Variants in NINL observed in about 807,000 individuals in gnomAD.
The protein encoded by NINL is ninein-like protein.
NINL carries 153 observed loss-of-function variants against 160.3 expected under a neutral mutation model. The observed-to-expected ratio is 0.95, with a 90% confidence interval of 0.84 to 1.09. The LOEUF (loss-of-function observed/expected upper bound fraction) is 1.09. Ranked by LOEUF, NINL falls within the 50% of genes least tolerant of loss-of-function variation. NINL has a pLI of 0.00. For synonymous variants in NINL, 800 were observed against 734.8 expected, an observed-to-expected ratio of 1.09 and a Z score of -1.43; for missense variants, 1,829 against 1,764.0, an observed-to-expected ratio of 1.04 and a Z score of -0.66.
At chr20:25,537,189 TCCTC>T (rs894857043) in intron 1 of NINL, among the ~76,000 whole-genome samples, 2 of 152,104 alleles carry the variant, frequency 1.3e-5, no homozygotes, top group African/African-American at 4.8e-5. Flanking sequence ...GCTCAAGTGA[TCCTC>T]CCACCTCAGC....
chr20:25,561,588 G>A (rs1461876572), intron 1 of NINL, among the ~76,000 whole-genome samples: 3 of 151,216 alleles, frequency 2.0e-5, no homozygotes, highest in Non-Finnish European at 2.9e-5. Flanking sequence ...AGGAAGTGAG[G>A]AGCACCTCTT....
intron 4 of NINL, 122 bp downstream of exon 4, chr20:25,512,712 G>C (rs1159620524): frequency 3.1e-6 from 4 of 1,272,208 alleles, no homozygotes. Flanking sequence ...GGCGACTCAG[G>C]GTGCCTGAGA....
chr20:25,504,207 C>G, intron 6 of NINL, 103 bp from the exon 7 acceptor site: 1 of 1,252,160 alleles, frequency 8.0e-7, no homozygotes, highest in Non-Finnish European at 1.1e-6. Context: ...AAGTACCCAA[C>G]AAGGGCCGTT....
intron 3 of NINL, among the ~76,000 whole-genome samples, chr20:25,515,076 C>T (rs1490357531): frequency 6.6e-6 from 1 of 152,194 alleles, no homozygotes; most frequent in East Asian, 1.9e-4. Flanking sequence ...CACTGTCCTC[C>T]AGACCCTAGA....
chr20:25,522,919 T>C (rs887393501), intron 2 of NINL, among the ~76,000 whole-genome samples: 1 of 152,238 alleles, frequency 6.6e-6, no homozygotes, highest in East Asian at 1.9e-4. Context: ...ATGTGTGATC[T>C]AGAGGTACTT....
chr20:25,481,865 GC>G (rs2146583312), intron 14 of NINL, 102 bp downstream of exon 14: 9 of 1,485,088 alleles, frequency 6.1e-6, no homozygotes, highest in Non-Finnish European at 8.2e-6. Flanking sequence ...TCAGGTCACA[GC>G]AACATCATCA....
At chr20:25,497,411 G>A (rs1225275194) in intron 9 of NINL, among the ~76,000 whole-genome samples, 1 of 152,232 alleles carries the variant, frequency 6.6e-6, no homozygotes, top group East Asian at 1.9e-4. Flanking sequence ...AAGGCCAGGG[G>A]AGGGACCTGG....
chr20:25,579,495 G>A (rs556089839), intron 1 of NINL, among the ~76,000 whole-genome samples: 2 of 152,182 alleles, frequency 1.3e-5, no homozygotes, highest in African/African-American at 2.4e-5. Flanking sequence ...CAGGTGACAC[G>A]CTACCTTATG....
chr20:25,501,973 A>T (rs138130717), intron 7 of NINL, among the ~76,000 whole-genome samples: 1 of 151,954 alleles, frequency 6.6e-6, no homozygotes, highest in Non-Finnish European at 1.5e-5. Flanking sequence ...TAGGTTTTTA[A>T]ATTAAATTAA....
chr20:25,504,725 G>T (rs1047963680), intron 6 of NINL, among the ~76,000 whole-genome samples, 163 bp downstream of exon 6: 1 of 152,258 alleles, frequency 6.6e-6, no homozygotes, highest in East Asian at 1.9e-4. Context: ...GGTGTCTGGA[G>T]ATTTTAGCCT....
chr20:25,553,172 A>C (rs1338850341), intron 1 of NINL, among the ~76,000 whole-genome samples: 1 of 126,894 alleles, frequency 7.9e-6, no homozygotes, highest in African/African-American at 3.0e-5. Flanking sequence ...AGGTGTGATC[A>C]CAGCTCAATG....
At chr20:25,547,348 G>A (rs2210052) in intron 1 of NINL, among the ~76,000 whole-genome samples, 33,977 of 151,952 alleles carry the variant, frequency 0.22, 4,813 homozygotes, top group Non-Finnish European at 0.31. Context: ...ATAATAAACC[G>A]GTAAACATTT....
intron 21 of NINL, among the ~76,000 whole-genome samples, chr20:25,460,526 C>G (rs751409038): frequency 6.6e-5 from 10 of 152,198 alleles, no homozygotes; most frequent in Non-Finnish European, 1.3e-4. Context: ...CCTTACTCCT[C>G]ACCTCAAAGG....
intron 8 of NINL, 31 bp downstream of exon 8, chr20:25,500,809 T>C: frequency 6.2e-7 from 1 of 1,601,676 alleles, no homozygotes; most frequent in Non-Finnish European, 8.5e-7. Context: ...CCAGGTCCCC[T>C]GTCCAGCTTA....
chr20:25,491,376 C>A lies in NINL; in HGVS notation c.1460G>T (p.Arg487Leu). The part of the protein sequence containing the change: ...GRLQAEEAGL[R>L]EKLTLALKEN... The stretch of plus-strand genomic sequence containing the variant: ...CTTCAGGGCCAGGGTCAGCTTCTCG[C>A]GGAGGCCAGCCTCCTCAGCCTGCAG... Residue 487 changes from arginine (R) to leucine (L), a missense_variant, in exon 11 of 24, where the codon CGC becomes CTC. Arg to Leu is a moderately radical substitution (Grantham distance 102). Transcript: ENST00000278886. 4 of 1,610,368 alleles carry A rather than the reference C, an allele frequency of 2.5e-6. No homozygotes were observed. Among genetic ancestry groups the A allele is most frequent in the Non-Finnish European group, 3.4e-6 (4 of 1,179,554 alleles).
At chr20:25,585,097 CG>C (rs1163469248) in intron 1 of NINL, among the ~76,000 whole-genome samples, 1 of 152,136 alleles carries the variant, frequency 6.6e-6, no homozygotes, top group Non-Finnish European at 1.5e-5. Flanking sequence ...CTCATTACCA[CG>C]GGGGGCCCCG....
intron 5 of NINL, among the ~76,000 whole-genome samples, chr20:25,510,321 G>T (rs1389395659): frequency 6.6e-6 from 1 of 152,244 alleles, no homozygotes; most frequent in Admixed American, 6.5e-5. Flanking sequence ...AGTCTGAGGT[G>T]ACAGGGCCAA....
At chr20:25,557,009 G>A (rs1167341332) in intron 1 of NINL, among the ~76,000 whole-genome samples, 1 of 152,162 alleles carries the variant, frequency 6.6e-6, no homozygotes, top group Admixed American at 6.6e-5. Context: ...GAAATGAGGA[G>A]TGATTGCTAA....
chr20:25,516,920 C>T (rs969160019), intron 3 of NINL, among the ~76,000 whole-genome samples: 3 of 152,136 alleles, frequency 2.0e-5, no homozygotes, highest in Non-Finnish European at 4.4e-5. Context: ...TCCTGGCCAT[C>T]GCTTACTAAC....
Sources: gnomAD v4.1 joint callset for allele counts (sites outside exome capture counted in the v4.1 genomes callset) on GRCh38, gnomAD v4.1.1 for gene constraint, MANE v1.5 for transcripts, NCBI Gene and HGNC (gene_info 2026-07-23, HGNC 2026-07-21) for gene names.